The following ANK2 variants were observed in gnomAD, a reference collection of about 807,000 sequenced individuals.
ANK2 encodes the protein ankyrin-2.
In ANK2, 83 loss-of-function variants were observed where a neutral mutation model predicts 360.5. The ratio of observed to expected loss-of-function variants is 0.23; its 90% confidence interval spans 0.19 to 0.28. The LOEUF (loss-of-function observed/expected upper bound fraction) is 0.28, where lower values mean the gene tolerates loss of function less well. ANK2 is among the 10% of genes least tolerant of loss of function. The probability of loss-of-function intolerance (pLI) is 1.00; values close to 1 mark genes in which losing one functional copy is unlikely to be tolerated. For missense variants in ANK2, 4,201 were observed against 4,795.7 expected (o/e 0.88, Z 3.66); for synonymous variants, 1,740 against 1,759.5 (o/e 0.99, Z 0.28).
At chr4:113,308,559 C>T (rs941732841) in intron 23 of ANK2, among the ~76,000 whole-genome samples, 1 of 151,988 alleles carries the variant, frequency 6.6e-6, no homozygotes, top group African/African-American at 2.4e-5. Flanking sequence ...AAGAAAGACT[C>T]AAAAATATAG....
intron 1 of ANK2, among the ~76,000 whole-genome samples, chr4:113,134,586 CAG>C (rs2096279105): frequency 6.6e-6 from 1 of 152,022 alleles, no homozygotes. Context: ...TCTACCTTAT[CAG>C]AGATGTTTTT....
intron 2 of ANK2, among the ~76,000 whole-genome samples, chr4:112,949,176 G>A (rs919290217): frequency 6.6e-5 from 10 of 151,792 alleles, no homozygotes; most frequent in African/African-American, 9.7e-5. Flanking sequence ...GAATTGTTTC[G>A]CTGATTTCAT....
At chr4:113,372,599 G>A in intron 43 of ANK2, 3 of 1,535,894 alleles carry the variant, frequency 2.0e-6, no homozygotes, top group Non-Finnish European at 2.6e-6. Context: ...AACTACCAGG[G>A]TTGTCCGCCG....
At chr4:113,245,316 T>C (rs1352621544) in intron 9 of ANK2, among the ~76,000 whole-genome samples, 1 of 152,242 alleles carries the variant, frequency 6.6e-6, no homozygotes, top group African/African-American at 2.4e-5. Flanking sequence ...TGTTTTGCTT[T>C]TTCTTTTGCT....
In ANK2 at chr4:113,367,833, A is replaced by T. The variant is rs773893598; in HGVS notation, c.11300A>T (p.Glu3767Val). Reference protein sequence around the residue: ...MQDLPEESSLEYQQEYFVTTP... With the variant: ...MQDLPEESSLVYQQEYFVTTP... ...GACCTGCCTGAAGAGTCATCTCTGG[A>T]ATATCAGCAGGAATATTTGTGAGTT... Residue 3767 changes from glutamate to valine, a missense_variant, in exon 42 of 46, where the codon GAA becomes GTA. Physicochemically the swap from Glu to Val is moderately radical, Grantham distance 121 (BLOSUM62 -2). Around this residue, in one of 4 missense-constraint regions of ANK2, gnomAD observed 2,642 missense variants for 2,714.5 expected, o/e 0.97. Transcript: ENST00000357077. The T allele has an allele frequency of 1.9e-6, 3 of 1,614,032 alleles. No individual in the cohort carries two copies. The highest frequency in any genetic ancestry group is 1.7e-5 in the Admixed American group (1 of 60,008).
At chr4:113,343,167 A>G (rs775831786) in intron 34 of ANK2, 25 bp downstream of exon 34, 3 of 1,610,920 alleles carry the variant, frequency 1.9e-6, no homozygotes, top group Middle Eastern at 1.7e-4. Flanking sequence ...GAATTTTGTG[A>G]TGCATTTTTT....
intron 1 of ANK2, among the ~76,000 whole-genome samples, chr4:113,108,407 G>C (rs1000272321): frequency 6.6e-6 from 1 of 152,036 alleles, no homozygotes; most frequent in African/African-American, 2.4e-5. Context: ...ATTTTTATTA[G>C]ATAATCTAAG....
chr4:112,819,116 A>C (rs2056237597), intron 1 of ANK2, among the ~76,000 whole-genome samples: 1 of 152,212 alleles, frequency 6.6e-6, no homozygotes, highest in Non-Finnish European at 1.5e-5. Flanking sequence ...AGAGCAAAGG[A>C]ATAAATTCAA....
intron 1 of ANK2, among the ~76,000 whole-genome samples, chr4:113,173,378 C>G (rs1422252675): frequency 1.3e-5 from 2 of 152,098 alleles, no homozygotes; most frequent in African/African-American, 4.8e-5. Context: ...GCAGTGTAGC[C>G]TAGTGAGGAG....
At chr4:112,735,655 G>A in the ANK2 span, among the ~76,000 whole-genome samples, 1 of 152,072 alleles carries the variant, frequency 6.6e-6, no homozygotes, top group South Asian at 2.1e-4. Flanking sequence ...TACCATTCAT[G>A]GGGTATGTAT....
intron 2 of ANK2, among the ~76,000 whole-genome samples, chr4:113,021,530 C>CCCCCCACACACA (rs1554056650): frequency 5.4e-4 from 7 of 13,084 alleles, no homozygotes; most frequent in African/African-American, 1.2e-3. Flanking sequence ...ACACACACAC[C>CCCCCCACACACA]CACACACAAA....
intron 4 of ANK2, among the ~76,000 whole-genome samples, chr4:113,227,549 G>T (rs988957419): frequency 6.6e-6 from 1 of 152,150 alleles, no homozygotes; most frequent in Non-Finnish European, 1.5e-5. Context: ...TACACATGGA[G>T]ACTCCAATTC....
intron 32 of ANK2, among the ~76,000 whole-genome samples, chr4:113,340,588 A>G (rs2094154125): frequency 6.6e-6 from 1 of 152,102 alleles, no homozygotes; most frequent in Admixed American, 6.6e-5. Context: ...CCTAGGAACC[A>G]GGGAGGTTGA....
At chr4:113,115,785 A>G (rs1422741931) in intron 1 of ANK2, among the ~76,000 whole-genome samples, 1 of 152,168 alleles carries the variant, frequency 6.6e-6, no homozygotes, top group East Asian at 1.9e-4. Context: ...ACAAAAACAT[A>G]TCATTTTCTA....
intron 1 of ANK2, among the ~76,000 whole-genome samples, chr4:112,854,863 A>G (rs1040711844): frequency 1.3e-5 from 2 of 152,094 alleles, no homozygotes; most frequent in East Asian, 3.9e-4. Flanking sequence ...TGTGGGAGGA[A>G]TGGAGTAGAA....
Position 112,927,802 on chromosome 4 carries a change from C to T in ANK2, c.21+23288C>T, listed in dbSNP as rs574842090. ...ATGTCAAAGTGATATGTAACTTGTACATATTTCTCTGACCTGTTGTATGGA... is the reference window on the plus strand; with the variant it reads ...ATGTCAAAGTGATATGTAACTTGTATATATTTCTCTGACCTGTTGTATGGA... On this transcript the variant is annotated intron_variant, in intron 2 of 30. Transcript: ENST00000503271. 3.3e-5 allele frequency among the ~76,000 whole-genome samples: 5 copies of T among 152,294 alleles called. No individual in the cohort carries two copies. In the East Asian group the frequency reaches 9.6e-4, roughly 29 times the overall value.
chr4:113,297,563 A>G (rs936762953), intron 22 of ANK2, among the ~76,000 whole-genome samples: 1 of 152,162 alleles, frequency 6.6e-6, no homozygotes, highest in Non-Finnish European at 1.5e-5. Context: ...CAATTTAAAA[A>G]TTTTAAAAAT....
intron 1 of ANK2, among the ~76,000 whole-genome samples, chr4:113,079,018 G>T (rs2081265811): frequency 6.6e-6 from 1 of 152,098 alleles, no homozygotes; most frequent in African/African-American, 2.4e-5. Context: ...AAGGAAACTT[G>T]AAACCCAGAG....
At chr4:112,741,278 C>T in the ANK2 span, among the ~76,000 whole-genome samples, 2 of 152,166 alleles carry the variant, frequency 1.3e-5, no homozygotes, top group African/African-American at 4.8e-5. Flanking sequence ...ATTAGGTCAA[C>T]TCCCTTTGAT....
Sources: allele counts gnomAD v4.1 joint callset (sites outside exome capture counted in the v4.1 genomes callset), GRCh38; gene constraint gnomAD v4.1.1; regional missense constraint gnomAD v4.1.1; transcripts MANE v1.5; gene names NCBI Gene and HGNC (gene_info 2026-07-23, HGNC 2026-07-21).